Variants in CFAP52 observed in about 807,000 individuals in gnomAD.
CFAP52 encodes the protein cilia- and flagella-associated protein 52.
CFAP52 carries 57 observed loss-of-function variants against 70.5 expected under a neutral mutation model. The observed-to-expected ratio is 0.81, with a 90% CI of 0.65 to 1.01. The LOEUF (loss-of-function observed/expected upper bound fraction) is 1.01. Among genes scored for constraint, CFAP52 ranks in the 50% least tolerant of loss-of-function variants. The pLI is 0.00. For synonymous variants in CFAP52, 267 were observed against 292.5 expected, an observed-to-expected ratio of 0.91 and a Z score of 0.89; for missense variants, 785 against 788.5, an observed-to-expected ratio of 1.00 and a Z score of 0.05.
intron 3 of CFAP52, among the ~76,000 whole-genome samples, chr17:9,587,413 G>A (rs145531628): frequency 6.3e-4 from 96 of 152,256 alleles, no homozygotes; most frequent in Non-Finnish European, 2.9e-5. Context: ...TTGAATGACA[G>A]TTCTGTTTTT....
At chr17:9,632,397 A>T (rs1415101569) in intron 9 of CFAP52, among the ~76,000 whole-genome samples, 1 of 151,426 alleles carries the variant, frequency 6.6e-6, no homozygotes, top group Non-Finnish European at 1.5e-5. Context: ...CTTTTTTTTT[A>T]AATAAAAAAG....
At chr17:9,599,951 G>T in intron 5 of CFAP52, 116 bp from the exon 6 acceptor site, 1 of 765,036 alleles carries the variant, frequency 1.3e-6, no homozygotes, top group Non-Finnish European at 2.3e-6. Flanking sequence ...ATGTTGGTCA[G>T]TCTGGTCTTG....
chr17:9,615,044 G>A (rs1340767659), intron 8 of CFAP52, among the ~76,000 whole-genome samples: 1 of 152,182 alleles, frequency 6.6e-6, no homozygotes, highest in African/African-American at 2.4e-5. Flanking sequence ...TAATAAGTAA[G>A]GGTAACTTTC....
chr17:9,583,018 G>A (rs2151926223), intron 1 of CFAP52, among the ~76,000 whole-genome samples: 1 of 152,272 alleles, frequency 6.6e-6, no homozygotes, highest in East Asian at 1.9e-4. Context: ...GTCATAGTTG[G>A]AAAGTCATTT....
intron 9 of CFAP52, among the ~76,000 whole-genome samples, chr17:9,629,226 C>T (rs1295269374): frequency 1.3e-5 from 2 of 152,142 alleles, no homozygotes; most frequent in South Asian, 4.1e-4. Flanking sequence ...TATTTTATGC[C>T]ATTTAGCATA....
chr17:9,637,424 C>A (rs145153199), intron 11 of CFAP52, among the ~76,000 whole-genome samples: 1,872 of 152,276 alleles, frequency 0.012, 11 homozygotes, highest in Middle Eastern at 0.024. Flanking sequence ...TTGAAAACTT[C>A]CATAATGAGA....
chr17:9,608,538 A>G (rs1232486511), intron 7 of CFAP52, among the ~76,000 whole-genome samples: 1 of 152,214 alleles, frequency 6.6e-6, no homozygotes. Flanking sequence ...TATCCAAGAA[A>G]TAACCCCCAA....
intron 4 of CFAP52, chr17:9,597,417 T>C (rs576876814): frequency 6.6e-6 from 1 of 152,326 alleles, no homozygotes; most frequent in East Asian, 1.9e-4. Context: ...AATGCATATG[T>C]TCAATAGCTT....
rs370935367 is a variant in CFAP52 at position 9,631,052 on chromosome 17, G to GAGAGAGAGAGAGAGAGAGAGAGAGAA, written c.1175-1833_1175-1832insGAGAGAGAGAGAGAGAGAGAGAAAGA. Among the ~76,000 whole-genome samples the GAGAGAGAGAGAGAGAGAGAGAGAGAA allele has an allele frequency of 2.9e-4, 11 of 37,954 alleles. 1 individual carries two copies. The highest frequency in any genetic ancestry group is 7.9e-4 in the African/African-American group (6 of 7,632). The allele number at this position is 37,954 out of a possible 152,430, so 24.9% of individuals were successfully genotyped here. Reference sequence around the variant, plus strand: ...AAAGAGAGAGAGAGAGAGAGAGAGAGAGAAAGAAAGAAAGAAAGAAAGAAA... The same window carrying GAGAGAGAGAGAGAGAGAGAGAGAGAA: ...AAAGAGAGAGAGAGAGAGAGAGAGAGAGAGAGAGAGAGAGAGAGAGAGAGAAAGAAAGAAAGAAAGAAAGAAAGAAA... On this transcript the variant is annotated intron_variant, in intron 9 of 13. Transcript: ENST00000352665.
intron 1 of CFAP52, among the ~76,000 whole-genome samples, chr17:9,583,207 G>T (rs1028113260): frequency 1.3e-5 from 2 of 152,016 alleles, no homozygotes; most frequent in Non-Finnish European, 2.9e-5. Flanking sequence ...AGTAGGAATA[G>T]ATCACCCTAA....
At chr17:9,596,916 C>G (rs1909044335) in intron 4 of CFAP52, among the ~76,000 whole-genome samples, 2 of 152,138 alleles carry the variant, frequency 1.3e-5, no homozygotes, top group Non-Finnish European at 2.9e-5. Context: ...GGGGTTTTCA[C>G]CATGTTGGCC....
rs753422223 is a variant in CFAP52 at position 9,585,922 on chromosome 17, A to C, written c.220A>C (p.Arg74=). 8 of 1,611,250 alleles carry C rather than the reference A, an allele frequency of 5.0e-6. No individual in the cohort carries two copies. The South Asian group carries it at 8.8e-5, about 18-fold the overall frequency. The change falls in exon 2 of 14, where the codon AGG becomes CGG. Residue 74 remains arginine (R), a synonymous_variant. Coordinates refer to ENST00000352665, the MANE Select transcript of CFAP52 (RefSeq NM_145054.5). The part of the protein sequence containing the change: ...GNNVSCLAIS[R]SGEYIASGQV... The stretch of plus-strand genomic sequence containing the variant: ...CAACGTCTCCTGCTTGGCCATCTCC[A>C]GGTCTGGAGAGTACATCGCCTCCGG...
chr17:9,633,933 G>A lies in CFAP52; in HGVS notation c.1320+900G>A, dbSNP rs963190887. Among the ~76,000 whole-genome samples, 7 of 151,944 alleles carry A rather than the reference G, an allele frequency of 4.6e-5. No individual in the cohort carries two copies. In the East Asian group the frequency reaches 1.4e-3, roughly 30 times the overall value. On this transcript the variant is annotated intron_variant, in intron 10 of 13. Transcript: ENST00000352665. Reference sequence around the variant, plus strand: ...CCTGACCTCGTGATCCGCCTGCCTCGGCCTCCCAAAGTGCTGGGATTACAG... The same window carrying A: ...CCTGACCTCGTGATCCGCCTGCCTCAGCCTCCCAAAGTGCTGGGATTACAG...
At chr17:9,594,134 T>G in intron 3 of CFAP52, 59 bp from the exon 4 acceptor site, 2 of 1,521,070 alleles carry the variant, frequency 1.3e-6, no homozygotes, top group Middle Eastern at 1.8e-4. Context: ...GGTTGTTTCT[T>G]ATTTTAAAAG....
chr17:9,596,057 G>GTGTGTGTGTGTATA (rs1555541589), intron 4 of CFAP52, among the ~76,000 whole-genome samples: 1 of 103,592 alleles, frequency 9.7e-6, no homozygotes, highest in Non-Finnish European at 1.9e-5. Context: ...ATATATGTGT[G>GTGTGTGTGTGTATA]TGTATATATA....
rs745330016 is a variant in CFAP52 at position 9,641,800 on chromosome 17, T to C, written c.1652T>C (p.Met551Thr). Residue 551 changes from methionine to threonine, a missense_variant, in exon 13 of 14, where the codon ATG (methionine) becomes ACG (threonine). Transcript: ENST00000352665. ...EGSLSGSING[M>T]DITQEGVHFV... Reference sequence around the variant, plus strand: ...TCCCTGTCTGGGTCGATAAATGGCATGGATATCACACAGGAAGGGGTGCAC... The same window carrying C: ...TCCCTGTCTGGGTCGATAAATGGCACGGATATCACACAGGAAGGGGTGCAC... 27 of 1,613,986 alleles carry C rather than the reference T, an allele frequency of 1.7e-5. No individual in the cohort carries two copies. Among genetic ancestry groups the C allele is most frequent in the Non-Finnish European group, 2.3e-5 (27 of 1,179,866 alleles).
In CFAP52 at chr17:9,596,342, C is replaced by T. The variant is rs148341486; in HGVS notation, c.537-1892C>T. Among the ~76,000 whole-genome samples the T allele has an allele frequency of 3.4e-4, 51 of 151,876 alleles. No homozygotes were observed. In the East Asian group the frequency reaches 9.7e-3, roughly 29 times the overall value. ...TCTTGAACTCCTGAGCTCAGGCAAT[C>T]CACCTGCCTCGGCCTCCCAAAGGGC... On this transcript the variant is annotated intron_variant, in intron 4 of 13. Coordinates refer to ENST00000352665, the MANE Select transcript of CFAP52 (RefSeq NM_145054.5).
chr17:9,613,335 T>G (rs1909783412), intron 8 of CFAP52, among the ~76,000 whole-genome samples: 1 of 151,842 alleles, frequency 6.6e-6, no homozygotes, highest in Non-Finnish European at 1.5e-5. Flanking sequence ...TTCTGGTATT[T>G]GATTTTGTAA....
Position 9,643,295 on chromosome 17 carries a change from T to C in CFAP52, c.*97T>C. ...CACTAGTCTTCATTTCTCACAGCTCTGTTTTTGTTCTTGAGTCAATTTTTC... is the reference window on the plus strand; with the variant it reads ...CACTAGTCTTCATTTCTCACAGCTCCGTTTTTGTTCTTGAGTCAATTTTTC... On this transcript the variant is annotated 3_prime_UTR_variant, in exon 14 of 14. Transcript: ENST00000352665. The C allele has an allele frequency of 1.7e-6, 2 of 1,149,428 alleles. No individual in the cohort carries two copies. Among genetic ancestry groups the C allele is most frequent in the East Asian group, 5.7e-5 (2 of 35,340 alleles). 71.2% of individuals were successfully genotyped at this position (1,149,428 alleles called of 1,614,324 possible).
Sources: gnomAD v4.1 joint callset for allele counts (sites outside exome capture counted in the v4.1 genomes callset) on GRCh38, gnomAD v4.1.1 for gene constraint, MANE v1.5 for transcripts, NCBI Gene and HGNC (gene_info 2026-07-23, HGNC 2026-07-21) for gene names.